MIGA1: variants seen among roughly 807,000 people sequenced by gnomAD.
MIGA1 encodes mitoguardin 1.
MIGA1 carries 58 observed loss-of-function variants against 82.0 expected under a neutral mutation model. The observed-to-expected ratio is 0.71, with a 90% CI of 0.57 to 0.88. MIGA1 has a LOEUF of 0.88. MIGA1 is among the 40% of genes least tolerant of loss of function. MIGA1 has a pLI of 0.00. For synonymous variants in MIGA1, 249 were observed against 253.6 expected (o/e 0.98, Z 0.17); for missense variants, 751 against 749.1 (o/e 1.00, Z -0.03).
At chr1:77,793,384 T>C (rs559046453) in intron 2 of MIGA1, among the ~76,000 whole-genome samples, 1 of 152,256 alleles carries the variant, frequency 6.6e-6, no homozygotes, top group Non-Finnish European at 1.5e-5. Flanking sequence ...ATTATAGGCA[T>C]GAGCCATGGT....
Position 77,814,620 on chromosome 1 carries a change from T to G in MIGA1, c.772-488T>G, listed in dbSNP as rs144080783. 6.8e-3 allele frequency among the ~76,000 whole-genome samples: 1,037 copies of G among 152,364 alleles called. 14 individuals are homozygous for G. The highest frequency in any genetic ancestry group is 0.023 in the African/African-American group (968 of 41,580). On this transcript the variant is annotated intron_variant, in intron 6 of 15. Transcript: ENST00000370791. ...ATTAATTAAGTGCCATTATGTTCAT[T>G]AAAATCACATAAAGGTGTAGAGCTA...
chr1:77,824,018 A>G (rs755089286), intron 7 of MIGA1, among the ~76,000 whole-genome samples: 8 of 152,124 alleles, frequency 5.3e-5, no homozygotes, highest in East Asian at 3.8e-4. Flanking sequence ...TTTTAAATCT[A>G]TTTTCTATTC....
intron 4 of MIGA1, among the ~76,000 whole-genome samples, chr1:77,805,767 C>T (rs767367387): frequency 9.9e-5 from 15 of 152,046 alleles, no homozygotes; most frequent in Non-Finnish European, 1.5e-4. Context: ...AAGTGATCTG[C>T]CCGTTTTGGC....
chr1:77,829,618 G>A (rs977400922), intron 7 of MIGA1, among the ~76,000 whole-genome samples: 7 of 151,694 alleles, frequency 4.6e-5, no homozygotes, highest in Admixed American at 4.6e-4. Context: ...ACAGGCACCT[G>A]CCACCACGCC....
At chr1:77,825,130 A>T (rs566063636) in intron 7 of MIGA1, among the ~76,000 whole-genome samples, 39 of 151,976 alleles carry the variant, frequency 2.6e-4, no homozygotes, top group African/African-American at 9.2e-4. Flanking sequence ...CTGAGACTGC[A>T]GGTGCGCTGG....
At chr1:77,837,359 G>A (rs1684471422) in intron 7 of MIGA1, among the ~76,000 whole-genome samples, 1 of 152,098 alleles carries the variant, frequency 6.6e-6, no homozygotes, top group Non-Finnish European at 1.5e-5. Context: ...GTAACTAGGA[G>A]CTACTGTATT....
intron 7 of MIGA1, among the ~76,000 whole-genome samples, chr1:77,834,202 G>GTCTCACTCTGTTGTCCAGGC (rs1684345744): frequency 6.6e-6 from 1 of 151,762 alleles, no homozygotes; most frequent in Non-Finnish European, 1.5e-5. Context: ...GAGGAACAGG[G>GTCTCACTCTGTTGTCCAGGC]TCTCACTCTG....
intron 3 of MIGA1, among the ~76,000 whole-genome samples, chr1:77,802,104 C>G (rs187682350): frequency 6.6e-6 from 1 of 151,968 alleles, no homozygotes; most frequent in South Asian, 2.1e-4. Context: ...GTAAAGATAT[C>G]GTATGAATAA....
At chr1:77,866,414 T>A in intron 14 of MIGA1, 23 bp downstream of exon 14, 2 of 1,609,510 alleles carry the variant, frequency 1.2e-6, no homozygotes, top group Non-Finnish European at 1.7e-6. Flanking sequence ...ATGTCCTGAA[T>A]TCCTTTGTTA....
At chr1:77,805,322 A>G (rs1332978574) in intron 4 of MIGA1, among the ~76,000 whole-genome samples, 2 of 151,618 alleles carry the variant, frequency 1.3e-5, no homozygotes, top group African/African-American at 2.4e-5. Flanking sequence ...ACTGGAATAT[A>G]TAGCTGCCCT....
In MIGA1 at chr1:77,810,726, T is replaced by A. The variant is rs559252398; in HGVS notation, c.638-3008T>A. 5.8e-6 allele frequency: 6 copies of A among 1,038,452 alleles called. No homozygotes were observed. The South Asian group carries it at 1.0e-4, about 17-fold the overall frequency. 64.3% of individuals were successfully genotyped at this position (1,038,452 alleles called of 1,614,324 possible). A position where few individuals can be genotyped will look rare whatever the true frequency, so the allele number is the denominator to read the frequency against. On this transcript the variant is annotated intron_variant, in intron 5 of 15. Transcript: ENST00000370791. Reference sequence around the variant, plus strand: ...CTGAATTCTGTGGTACAGCTTTGCATTGGACTCCGTCCGGCCTACTGGTCT... The same window carrying A: ...CTGAATTCTGTGGTACAGCTTTGCAATGGACTCCGTCCGGCCTACTGGTCT...
chr1:77,824,519 T>C (rs2101835258), intron 7 of MIGA1, among the ~76,000 whole-genome samples: 1 of 152,270 alleles, frequency 6.6e-6, no homozygotes, highest in Non-Finnish European at 1.5e-5. Context: ...GATTGGGCCA[T>C]TGTACTTCAG....
At chr1:77,854,143 G>A (rs181799505) in intron 8 of MIGA1, among the ~76,000 whole-genome samples, 1 of 152,124 alleles carries the variant, frequency 6.6e-6, no homozygotes, top group African/African-American at 2.4e-5. Context: ...TATGATGTTT[G>A]GTTTTCCATT....
At position 77,807,074 on chromosome 1, in the gene MIGA1, A is replaced by C; in HGVS notation, c.610A>C (p.Thr204Pro). The C allele has an allele frequency of 1.3e-6, 2 of 1,596,248 alleles. No individual in the cohort carries two copies. Among genetic ancestry groups the C allele is most frequent in the Non-Finnish European group, 1.7e-6 (2 of 1,164,978 alleles). ...TATTAAACTTGTTAATATTCCTGTGACTACTCCAGAGAACTTATACTTAAT... is the reference window on the plus strand; with the variant it reads ...TATTAAACTTGTTAATATTCCTGTGCCTACTCCAGAGAACTTATACTTAAT... The change falls in exon 5 of 16, where the codon ACT (threonine) becomes CCT (proline). Residue 204 changes from threonine (T) to proline (P), a missense_variant. Thr to Pro is a conservative substitution (Grantham distance 38). Around this residue, in one of 3 missense-constraint regions of MIGA1, gnomAD observed 482 missense variants for 439.4 expected, o/e 1.10. Transcript: ENST00000370791.
chr1:77,810,733 C>T, intron 5 of MIGA1: 3 of 1,075,106 alleles, frequency 2.8e-6, no homozygotes, highest in Non-Finnish European at 4.0e-6. Context: ...GCATTGGACT[C>T]CGTCCGGCCT....
chr1:77,871,100 A>C, intron 14 of MIGA1, among the ~76,000 whole-genome samples: 1 of 7,444 alleles, frequency 1.3e-4, no homozygotes. Context: ...GAAGGGGGAG[A>C]GGGAGAGGGA....
intron 2 of MIGA1, among the ~76,000 whole-genome samples, chr1:77,791,252 A>C (rs201415980): frequency 6.0e-5 from 9 of 150,846 alleles, no homozygotes; most frequent in African/African-American, 9.8e-5. Flanking sequence ...TTAAAAAAAA[A>C]AAAAAAAAAA....
intron 2 of MIGA1, among the ~76,000 whole-genome samples, chr1:77,790,512 C>T (rs185269276): frequency 1.7e-4 from 26 of 152,040 alleles, no homozygotes; most frequent in Middle Eastern, 3.4e-3. Context: ...GTGATCTGCC[C>T]GCCTCGGCCT....
In MIGA1 at chr1:77,842,635, C is replaced by A. The variant is rs924230915; in HGVS notation, c.896-672C>A. 2.0e-5 allele frequency among the ~76,000 whole-genome samples: 3 copies of A among 152,216 alleles called. No homozygotes were observed. In the East Asian group the frequency reaches 5.8e-4, roughly 29 times the overall value. ...TGATCTTGCCTTACTGCAACCTCCA[C>A]CTCCCGGGTTCAAGCAATTCTCATG... is the stretch of plus-strand genomic sequence containing the variant. On this transcript the variant is annotated intron_variant, in intron 7 of 15. Coordinates refer to ENST00000370791, the MANE Select transcript of MIGA1 (RefSeq NM_198549.4).
Sources: allele counts gnomAD v4.1 joint callset (sites outside exome capture counted in the v4.1 genomes callset), GRCh38; gene constraint gnomAD v4.1.1; regional missense constraint gnomAD v4.1.1; transcripts MANE v1.5; gene names NCBI Gene and HGNC (gene_info 2026-07-23, HGNC 2026-07-21).